EFCAB8: variants seen among roughly 807,000 people sequenced by gnomAD.
The protein encoded by EFCAB8 is EF-hand calcium binding domain 8.
A neutral mutation model predicts 116.3 loss-of-function variants in EFCAB8; 100 were observed. The ratio of observed to expected loss-of-function variants is 0.86; its 90% CI spans 0.73 to 1.02. EFCAB8 has a LOEUF of 1.02. Ranked by LOEUF, EFCAB8 falls within the 50% of genes least tolerant of loss-of-function variation. The pLI, the probability that EFCAB8 is intolerant of heterozygous loss-of-function variation, is 0.00. For synonymous variants in EFCAB8, 558 were observed against 567.9 expected (o/e 0.98, Z 0.25); for missense variants, 1,320 against 1,416.9 (o/e 0.93, Z 1.10).
In EFCAB8 at chr20:32,866,908, CTTTCTTTCG is replaced by C. The variant is rs1367362506; in HGVS notation, c.43-657_43-649del. 2.7e-3 allele frequency among the ~76,000 whole-genome samples: 380 copies of C among 142,876 alleles called. 1 individual carries two copies. Among genetic ancestry groups the C allele is most frequent in the African/African-American group, 7.8e-3 (299 of 38,580 alleles). The allele number at this position is 142,876 out of a possible 152,430, so 93.7% of individuals were successfully genotyped here. On this transcript the variant is annotated intron_variant, in intron 2 of 26. Coordinates refer to ENST00000400522, the MANE Select transcript of EFCAB8 (RefSeq NM_001143967.2). ...TTCCTTTCTTTCTCTCTCTCTCTTT[CTTTCTTTCG>C]TTTCTTTCGTTTCTTTTTTTTTTGA...
At position 32,878,827 on chromosome 20, in the gene EFCAB8, G is replaced by A. The variant is rs2146192098; in HGVS notation, c.431+20G>A. On this transcript the variant is annotated intron_variant, in intron 5 of 26. Transcript: ENST00000400522. ...CCCCCTGTAAGGAGCCTCTTCCTGG[G>A]CCTTGGTGGGTGGGGTGACTGGACA... 6.5e-7 allele frequency: 1 copy of A among 1,547,600 alleles called. No homozygotes were observed. The highest frequency in any genetic ancestry group is 8.7e-7 in the Non-Finnish European group (1 of 1,143,106).
At chr20:32,939,277 CT>C (rs1319746477) in intron 22 of EFCAB8, among the ~76,000 whole-genome samples, 17 of 106,020 alleles carry the variant, frequency 1.6e-4, no homozygotes, top group Admixed American at 7.0e-4. Context: ...TCTCTCTCTC[CT>C]TTTTTTTTTT....
intron 23 of EFCAB8, among the ~76,000 whole-genome samples, chr20:32,954,531 C>G (rs747158690): frequency 1.3e-5 from 2 of 152,090 alleles, no homozygotes; most frequent in African/African-American, 2.4e-5. Context: ...ATTCCTGTAG[C>G]TTTGTAATAT....
intron 5 of EFCAB8, among the ~76,000 whole-genome samples, chr20:32,880,466 TC>T (rs1381241926): frequency 6.6e-6 from 1 of 152,132 alleles, no homozygotes; most frequent in East Asian, 1.9e-4. Context: ...AGATGGGGTT[TC>T]ACTGTGTTGG....
rs1182760434 is a variant in EFCAB8, at chr20:32,918,463, T to C, written c.2163T>C (p.Ser721=). 7 of 1,551,560 alleles carry C rather than the reference T, an allele frequency of 4.5e-6. No homozygotes were observed. Among genetic ancestry groups the C allele is most frequent in the Non-Finnish European group, 4.4e-6 (5 of 1,146,990 alleles). ...WTYKTSRKLS[S]LSPESVANTN... ...ACAAGACCTCCAGGAAGCTCTCCAG[T>C]CTCAGCCCCGAGTCTGTGGCCAATA... Residue 721 remains serine (S), a synonymous_variant, in exon 19 of 27, where the codon AGT becomes AGC. Coordinates refer to ENST00000400522, the MANE Select transcript of EFCAB8 (RefSeq NM_001143967.2).
chr20:32,904,446 G>A (rs1464855190), intron 11 of EFCAB8, among the ~76,000 whole-genome samples: 1 of 148,414 alleles, frequency 6.7e-6, no homozygotes, highest in African/African-American at 2.5e-5. Context: ...GACTGCAGGT[G>A]CACCATCACG....
At chr20:32,902,960 C>T (rs1019238216) in intron 11 of EFCAB8, among the ~76,000 whole-genome samples, 5 of 152,212 alleles carry the variant, frequency 3.3e-5, no homozygotes, top group African/African-American at 1.2e-4. Context: ...TTCACTTCTG[C>T]CACCACCACC....
chr20:32,899,791 C>A (rs1986343977), intron 11 of EFCAB8, among the ~76,000 whole-genome samples: 1 of 152,112 alleles, frequency 6.6e-6, no homozygotes, highest in Admixed American at 6.6e-5. Context: ...TCAGGCTGGT[C>A]TCGAACTCCT....
At chr20:32,911,371 G>A (rs542990013) in intron 15 of EFCAB8, 109 bp from the exon 16 acceptor site, 7 of 966,646 alleles carry the variant, frequency 7.2e-6, no homozygotes, top group South Asian at 6.3e-5. Flanking sequence ...GGCCCTGAAC[G>A]TCTGTTTTCT....
chr20:32,919,972 G>A (rs1987369595), intron 19 of EFCAB8, 106 bp from the exon 20 acceptor site: 2 of 1,414,292 alleles, frequency 1.4e-6, no homozygotes, highest in Admixed American at 2.1e-5. Context: ...TACCTACTGC[G>A]GGGGCTTGGG....
chr20:32,910,157 G>A (rs552362496), intron 15 of EFCAB8, among the ~76,000 whole-genome samples: 3 of 152,326 alleles, frequency 2.0e-5, no homozygotes, highest in East Asian at 1.9e-4. Context: ...CCATGGGATC[G>A]CCTAACTCCT....
intron 22 of EFCAB8, among the ~76,000 whole-genome samples, chr20:32,941,429 G>A (rs1012239541): frequency 6.7e-6 from 1 of 149,632 alleles, no homozygotes; most frequent in Non-Finnish European, 1.5e-5. Flanking sequence ...GTACATGAAT[G>A]TTTATAGTAG....
At chr20:32,865,655 C>T (rs1238101864) in intron 2 of EFCAB8, among the ~76,000 whole-genome samples, 1 of 151,856 alleles carries the variant, frequency 6.6e-6, no homozygotes, top group Admixed American at 6.6e-5. Context: ...AAAAATTAGC[C>T]AGGCGTGGTG....
At position 32,909,006 on chromosome 20, in the gene EFCAB8, C is replaced by T. The variant is rs374900576; in HGVS notation, c.1446+594C>T. Among the ~76,000 whole-genome samples the T allele has an allele frequency of 1.8e-4, 28 of 152,208 alleles. No individual in the cohort carries two copies. In the East Asian group the frequency reaches 4.8e-3, roughly 26 times the overall value. ...CTGTGGAGGATGGGGGTAAGGGGGCCCACAAGAAGGTGGAGGCTTGGGGAG... is the reference window on the plus strand; with the variant it reads ...CTGTGGAGGATGGGGGTAAGGGGGCTCACAAGAAGGTGGAGGCTTGGGGAG... On this transcript the variant is annotated intron_variant, in intron 14 of 26. Transcript: ENST00000400522.
intron 22 of EFCAB8, among the ~76,000 whole-genome samples, chr20:32,939,199 CT>C (rs1568941842): frequency 3.1e-5 from 2 of 63,526 alleles, no homozygotes; most frequent in African/African-American, 1.3e-4. Context: ...TTCTTTCTTT[CT>C]TTCCTCTCTC....
At chr20:32,954,468 T>G (rs902924534) in intron 23 of EFCAB8, among the ~76,000 whole-genome samples, 3 of 152,238 alleles carry the variant, frequency 2.0e-5, no homozygotes, top group African/African-American at 7.2e-5. Flanking sequence ...GGATACTCTC[T>G]TCTATTCCAT....
At chr20:32,870,121 G>A (rs1412649668) in intron 3 of EFCAB8, among the ~76,000 whole-genome samples, 2 of 152,138 alleles carry the variant, frequency 1.3e-5, no homozygotes, top group African/African-American at 2.4e-5. Flanking sequence ...CTGTGATGTG[G>A]GCAGGAAAGG....
chr20:32,878,562 C>T, intron 4 of EFCAB8, 142 bp from the exon 5 acceptor site: 1 of 445,306 alleles, frequency 2.2e-6, no homozygotes, highest in East Asian at 4.4e-5. Flanking sequence ...CCAGGTCGGA[C>T]TGCGGACTGC....
chr20:32,889,492 C>A, intron 7 of EFCAB8, 86 bp downstream of exon 7: 1 of 1,325,306 alleles, frequency 7.5e-7, no homozygotes, highest in Non-Finnish European at 1.1e-6. Context: ...GGCTGAGCAA[C>A]TGTGAACATG....
Sources: gnomAD v4.1 joint callset for allele counts (sites outside exome capture counted in the v4.1 genomes callset) on GRCh38, gnomAD v4.1.1 for gene constraint, MANE v1.5 for transcripts, NCBI Gene and HGNC (gene_info 2026-07-23, HGNC 2026-07-21) for gene names.